Variants in GALNTL6 observed in about 807,000 individuals in gnomAD.
The protein encoded by GALNTL6 is polypeptide N-acetylgalactosaminyltransferase-like 6.
In GALNTL6, 46 loss-of-function variants were observed where a neutral mutation model predicts 73.7. That is an observed-to-expected ratio of 0.62 (90% CI 0.49 to 0.80). The LOEUF (loss-of-function observed/expected upper bound fraction) is 0.80. Ranked by LOEUF, GALNTL6 falls within the 30% of genes least tolerant of loss-of-function variation. The probability of loss-of-function intolerance (pLI) is 0.00; values close to 1 mark genes in which losing one functional copy is unlikely to be tolerated. For missense variants in GALNTL6, 604 were observed against 755.0 expected, an observed-to-expected ratio of 0.80 and a Z score of 2.34; for synonymous variants, 259 against 263.7, an observed-to-expected ratio of 0.98 and a Z score of 0.17.
intron 5 of GALNTL6, among the ~76,000 whole-genome samples, chr4:172,684,100 T>G (rs570465890): frequency 4.1e-4 from 62 of 152,304 alleles, no homozygotes; most frequent in Non-Finnish European, 2.9e-4. Context: ...CACATCTATA[T>G]CTCTCTAGTT....
intron 5 of GALNTL6, among the ~76,000 whole-genome samples, chr4:172,528,346 A>G (rs1226695624): frequency 1.8e-5 from 1 of 56,836 alleles, no homozygotes; most frequent in Non-Finnish European, 4.5e-5. Flanking sequence ...ATATATATAT[A>G]TATATATATA....
intron 5 of GALNTL6, among the ~76,000 whole-genome samples, chr4:172,492,929 C>T (rs943015278): frequency 6.6e-6 from 1 of 152,076 alleles, no homozygotes; most frequent in African/African-American, 2.4e-5. Context: ...TGTCTGCATG[C>T]GCAAAGAGGT....
At chr4:172,548,188 T>C (rs1464722966) in intron 5 of GALNTL6, among the ~76,000 whole-genome samples, 2 of 152,224 alleles carry the variant, frequency 1.3e-5, no homozygotes, top group Non-Finnish European at 2.9e-5. Flanking sequence ...GTCAAAAGAA[T>C]TATGTCTCCA....
chr4:171,963,092 A>G (rs1201472609), intron 2 of GALNTL6, among the ~76,000 whole-genome samples: 1 of 151,286 alleles, frequency 6.6e-6, no homozygotes, highest in African/African-American at 2.4e-5. Flanking sequence ...TTTAAAGAGA[A>G]ACATAATTGG....
chr4:172,396,005 A>T (rs1379937982), intron 5 of GALNTL6, among the ~76,000 whole-genome samples: 1 of 152,178 alleles, frequency 6.6e-6, no homozygotes, highest in Non-Finnish European at 1.5e-5. Context: ...TGCTTAAATC[A>T]TCCTAGTGCC....
Position 172,978,909 on chromosome 4 carries a change from A to G in GALNTL6, c.1371+26651A>G, listed in dbSNP as rs771735964. On this transcript the variant is annotated intron_variant, in intron 10 of 12. Transcript: ENST00000506823. ...CAGCTCCAACATTTACTGGATGAATACGTTAGAATCAGGCAAGTCACTTTA... is the reference window on the plus strand; with the variant it reads ...CAGCTCCAACATTTACTGGATGAATGCGTTAGAATCAGGCAAGTCACTTTA... Among the ~76,000 whole-genome samples, 42 of 152,270 alleles carry G rather than the reference A, an allele frequency of 2.8e-4. 1 individual carries two copies. The highest frequency in any genetic ancestry group is 5.3e-4 in the Non-Finnish European group (36 of 68,048).
chr4:173,033,299 A>C (rs1193459717), intron 12 of GALNTL6, among the ~76,000 whole-genome samples: 2 of 151,866 alleles, frequency 1.3e-5, no homozygotes, highest in Non-Finnish European at 2.9e-5. Flanking sequence ...CACTGTGCCC[A>C]GCCAAGAAAC....
intron 5 of GALNTL6, among the ~76,000 whole-genome samples, chr4:172,527,988 T>G (rs1579156504): frequency 6.6e-6 from 1 of 152,112 alleles, no homozygotes; most frequent in East Asian, 1.9e-4. Flanking sequence ...ACTATAGTTA[T>G]ATATAATTTT....
At chr4:172,916,498 C>T in intron 8 of GALNTL6, among the ~76,000 whole-genome samples, 1 of 152,230 alleles carries the variant, frequency 6.6e-6, no homozygotes, top group East Asian at 1.9e-4. Context: ...TTAGAAAACC[C>T]CATTGTCTCA....
chr4:172,363,298 A>G (rs1352676314), intron 5 of GALNTL6, among the ~76,000 whole-genome samples: 1 of 152,148 alleles, frequency 6.6e-6, no homozygotes, highest in African/African-American at 2.4e-5. Context: ...ACTCAGGCTC[A>G]AAGAGAATAA....
At position 172,817,644 on chromosome 4, in the gene GALNTL6, C is replaced by T. The variant is rs199733198; in HGVS notation, c.923+3921C>T. Among the ~76,000 whole-genome samples the T allele has an allele frequency of 3.3e-5, 5 of 152,230 alleles. No individual in the cohort carries two copies. In the East Asian group the frequency reaches 9.7e-4, roughly 29 times the overall value. Reference sequence around the variant, plus strand: ...TCTGTGTGACAAAACATAATATGCTCCTTCAGCCATGATGACAAAGAGAAA... The same window carrying T: ...TCTGTGTGACAAAACATAATATGCTTCTTCAGCCATGATGACAAAGAGAAA... On this transcript the variant is annotated intron_variant, in intron 7 of 12. Coordinates refer to ENST00000506823, the MANE Select transcript of GALNTL6 (RefSeq NM_001034845.3).
chr4:172,502,262 C>T (rs764786049), intron 5 of GALNTL6, among the ~76,000 whole-genome samples: 10 of 152,162 alleles, frequency 6.6e-5, no homozygotes, highest in Non-Finnish European at 1.3e-4. Context: ...AAACTCATTT[C>T]ATTCTGATGT....
chr4:171,879,420 A>G (rs1291556723), intron 2 of GALNTL6, among the ~76,000 whole-genome samples: 1 of 152,162 alleles, frequency 6.6e-6, no homozygotes, highest in East Asian at 1.9e-4. Flanking sequence ...TGCAAATTCT[A>G]TATATAGCTC....
intron 3 of GALNTL6, among the ~76,000 whole-genome samples, chr4:172,300,828 A>C (rs1041229795): frequency 6.6e-4 from 100 of 152,100 alleles, no homozygotes; most frequent in Non-Finnish European, 1.2e-3. Flanking sequence ...ACTTTGGTGA[A>C]TCTGACAATT....
intron 5 of GALNTL6, among the ~76,000 whole-genome samples, chr4:172,414,809 T>A (rs73871718): frequency 0.029 from 4,372 of 152,290 alleles, 211 homozygotes; most frequent in African/African-American, 0.099. Flanking sequence ...TGAGGCACTT[T>A]AGTCAATTGA....
chr4:172,670,635 G>T (rs1394243123), intron 5 of GALNTL6, among the ~76,000 whole-genome samples: 4 of 151,910 alleles, frequency 2.6e-5, no homozygotes, highest in African/African-American at 4.8e-5. Flanking sequence ...CTTTTGTTGT[G>T]CAAAAGCACT....
intron 4 of GALNTL6, among the ~76,000 whole-genome samples, chr4:172,330,010 C>T (rs1307320129): frequency 6.6e-6 from 1 of 152,198 alleles, no homozygotes; most frequent in Non-Finnish European, 1.5e-5. Flanking sequence ...ATCTCAGGGA[C>T]GTATAACACT....
intron 5 of GALNTL6, among the ~76,000 whole-genome samples, chr4:172,734,761 G>C (rs1193100767): frequency 6.6e-6 from 1 of 152,056 alleles, no homozygotes; most frequent in African/African-American, 2.4e-5. Flanking sequence ...GGTTTCCTGG[G>C]CCAGGTCCAG....
chr4:172,605,846 G>GA lies in GALNTL6; in HGVS notation c.554-203506dup, dbSNP rs979015993. 8.7e-3 allele frequency among the ~76,000 whole-genome samples: 1,307 copies of GA among 150,414 alleles called. 21 individuals carry two copies. The highest frequency in any genetic ancestry group is 0.03 in the African/African-American group (1,228 of 41,008). Reference sequence around the variant, plus strand: ...GCAAATGAGGATGGATTTATTAAGTGAAAAAAAAAGCTCTCAGCACAGAAA... The same window carrying GA: ...GCAAATGAGGATGGATTTATTAAGTGAAAAAAAAAAGCTCTCAGCACAGAAA... On this transcript the variant is annotated intron_variant, in intron 5 of 12. Coordinates refer to ENST00000506823, the MANE Select transcript of GALNTL6 (RefSeq NM_001034845.3).
Sources: allele counts gnomAD v4.1 joint callset (sites outside exome capture counted in the v4.1 genomes callset), GRCh38; gene constraint gnomAD v4.1.1; transcripts MANE v1.5; gene names NCBI Gene and HGNC (gene_info 2026-07-23, HGNC 2026-07-21).